The following TULP4 variants were observed in gnomAD, a reference collection of about 807,000 sequenced individuals.
TULP4 encodes TUB like protein 4.
In TULP4, 16 loss-of-function variants were observed where a neutral mutation model predicts 129.0. The ratio of observed to expected loss-of-function variants is 0.12; its 90% CI spans 0.08 to 0.19. The LOEUF (loss-of-function observed/expected upper bound fraction) is 0.19. Among genes scored for constraint, TULP4 ranks in the 10% least tolerant of loss-of-function variants. The pLI is 1.00. For synonymous variants in TULP4, 998 were observed against 854.0 expected (o/e 1.17, Z -2.94); for missense variants, 1,842 against 2,059.1 (o/e 0.89, Z 2.04).
At chr6:158,378,540 A>G (rs140218636) in intron 1 of TULP4, among the ~76,000 whole-genome samples, 574 of 132,766 alleles carry the variant, frequency 4.3e-3, no homozygotes, top group South Asian at 7.6e-3. Flanking sequence ...ACTGGAGTGC[A>G]GTGGTGTGAT....
At chr6:158,337,038 T>A (rs1780053089) in intron 1 of TULP4, among the ~76,000 whole-genome samples, 2 of 4,590 alleles carry the variant, frequency 4.4e-4, no homozygotes, top group South Asian at 0.042. Context: ...TCTTTCTTTT[T>A]CTTTCTTTCT....
intron 1 of TULP4, among the ~76,000 whole-genome samples, chr6:158,234,005 A>C (rs1420487158): frequency 6.6e-6 from 1 of 152,192 alleles, no homozygotes; most frequent in Non-Finnish European, 1.5e-5. Flanking sequence ...AATATGGAGA[A>C]AAATGTTTTC....
intron 1 of TULP4, among the ~76,000 whole-genome samples, chr6:158,367,546 C>T (rs893035251): frequency 2.0e-5 from 3 of 152,008 alleles, no homozygotes; most frequent in Non-Finnish European, 1.5e-5. Flanking sequence ...AAAAATAGAC[C>T]TACAAAAAGA....
At chr6:158,309,350 G>A (rs1327683976), upstream of TULP4, among the ~76,000 whole-genome samples, 3 of 146,318 alleles carry the variant, frequency 2.1e-5, no homozygotes, top group South Asian at 2.3e-4. Context: ...GGGCAGAGAC[G>A]CTCCTCACTT....
intron 1 of TULP4, among the ~76,000 whole-genome samples, chr6:158,245,522 A>G (rs1422375426): frequency 1.3e-5 from 2 of 152,168 alleles, no homozygotes; most frequent in African/African-American, 4.8e-5. Flanking sequence ...CACTCAGTCC[A>G]GATAGCTGCT....
At chr6:158,276,189 C>G (rs548972384) in intron 1 of TULP4, among the ~76,000 whole-genome samples, 10 of 152,050 alleles carry the variant, frequency 6.6e-5, no homozygotes, top group African/African-American at 9.7e-5. Flanking sequence ...AGGCTGGTCT[C>G]GAACTCCTGA....
In TULP4 at chr6:158,503,359, A is replaced by G; in HGVS notation, c.3696A>G (p.Pro1232=). 3.7e-6 allele frequency: 6 copies of G among 1,612,650 alleles called. No homozygotes were observed. Among genetic ancestry groups the G allele is most frequent in the Non-Finnish European group, 5.1e-6 (6 of 1,179,822 alleles). The change falls in exon 13 of 14, where the codon CCA becomes CCG. Residue 1232 remains proline (P), a synonymous_variant. Coordinates refer to ENST00000367097, the MANE Select transcript of TULP4 (RefSeq NM_020245.5). The surrounding 1 kb of genome is among the most constrained non-coding windows in gnomAD (Gnocchi z 4.3). ...EPAVVLQPLY[P]PSLSYCTLPP... ...CTGTGGTCCTTCAGCCGCTGTACCC[A>G]CCCAGCCTCTCCTATTGCACCCTGC...
intron 1 of TULP4, among the ~76,000 whole-genome samples, chr6:158,385,324 C>T (rs1030569498): frequency 1.3e-5 from 2 of 152,210 alleles, no homozygotes; most frequent in African/African-American, 4.8e-5. Context: ...TGTATAATTT[C>T]TCTGCAGTCA....
intron 1 of TULP4, among the ~76,000 whole-genome samples, chr6:158,332,946 C>T (rs560474704): frequency 2.0e-5 from 3 of 152,098 alleles, no homozygotes; most frequent in Non-Finnish European, 4.4e-5. Context: ...CACGTACATA[C>T]ATGCATATAT....
At chr6:158,236,231 A>G (rs951423896) in intron 1 of TULP4, among the ~76,000 whole-genome samples, 17 of 152,262 alleles carry the variant, frequency 1.1e-4, no homozygotes, top group African/African-American at 3.9e-4. Context: ...CCTATAAAGT[A>G]AAAGATTTGA....
intron 1 of TULP4, among the ~76,000 whole-genome samples, chr6:158,352,614 C>A (rs1048135904): frequency 6.6e-6 from 1 of 152,108 alleles, no homozygotes; most frequent in African/African-American, 2.4e-5. Flanking sequence ...CCAGGATGGT[C>A]TTGATCTCTT....
intron 3 of TULP4, among the ~76,000 whole-genome samples, chr6:158,437,321 G>A (rs1323103294): frequency 6.6e-6 from 1 of 152,064 alleles, no homozygotes; most frequent in African/African-American, 2.4e-5. Flanking sequence ...TAGCACTTTG[G>A]GAGGCCAGAG....
intron 10 of TULP4, among the ~76,000 whole-genome samples, 187 bp from the exon 11 acceptor site, chr6:158,494,566 A>C (rs1340101516): frequency 6.6e-6 from 1 of 151,884 alleles, no homozygotes; most frequent in African/African-American, 2.4e-5. Context: ...GCCCCCACTC[A>C]CTGCTGCGTG....
At chr6:158,443,876 C>G (rs994158578) in intron 3 of TULP4, among the ~76,000 whole-genome samples, 6 of 152,052 alleles carry the variant, frequency 3.9e-5, no homozygotes, top group African/African-American at 1.5e-4. Flanking sequence ...CAAGTCTGGC[C>G]TTGAAGCACA....
chr6:158,425,986 T>C (rs1778481139), intron 2 of TULP4, among the ~76,000 whole-genome samples: 1 of 152,246 alleles, frequency 6.6e-6, no homozygotes. Flanking sequence ...TCAGTGAAGT[T>C]GAGCCTTTTT....
At chr6:158,492,205 G>A (rs777579914) in intron 9 of TULP4, among the ~76,000 whole-genome samples, 5 of 152,166 alleles carry the variant, frequency 3.3e-5, no homozygotes, top group Non-Finnish European at 7.3e-5. Flanking sequence ...TATCTGTATG[G>A]CCATATAGTC....
chr6:158,453,978 TAC>T (rs1779227384), intron 5 of TULP4, among the ~76,000 whole-genome samples: 1 of 150,118 alleles, frequency 6.7e-6, no homozygotes, highest in African/African-American at 2.5e-5. Flanking sequence ...CAAGTCTATA[TAC>T]TTAACTGTTG....
At chr6:158,490,988 T>C (rs755708490) in intron 9 of TULP4, among the ~76,000 whole-genome samples, 17 of 152,242 alleles carry the variant, frequency 1.1e-4, no homozygotes, top group African/African-American at 1.7e-4. Flanking sequence ...TAAACATTCT[T>C]ATACAAGTCT....
intron 6 of TULP4, among the ~76,000 whole-genome samples, chr6:158,470,380 CA>C (rs1374203529): frequency 6.6e-6 from 1 of 152,236 alleles, no homozygotes; most frequent in Non-Finnish European, 1.5e-5. Context: ...AGAGGGGACC[CA>C]AAGGGGGTTG....
Sources: allele counts gnomAD v4.1 joint callset (sites outside exome capture counted in the v4.1 genomes callset), GRCh38; gene constraint gnomAD v4.1.1; non-coding constraint Gnocchi (gnomAD v3.1); transcripts MANE v1.5; gene names NCBI Gene and HGNC (gene_info 2026-07-23, HGNC 2026-07-21).